Variants in CDH13 observed in about 807,000 individuals in gnomAD.
CDH13 encodes cadherin 13.
A neutral mutation model predicts 63.8 loss-of-function variants in CDH13; 24 were observed. The ratio of observed to expected loss-of-function variants is 0.38; its 90% CI spans 0.27 to 0.53. The LOEUF is 0.53. Among genes scored for constraint, CDH13 ranks in the 20% least tolerant of loss-of-function variants. The pLI, the probability that CDH13 is intolerant of heterozygous loss-of-function variation, is 0.85. For synonymous variants in CDH13, 503 were observed against 355.3 expected, an observed-to-expected ratio of 1.42 and a Z score of -4.67; for missense variants, 1,049 against 903.1, an observed-to-expected ratio of 1.16 and a Z score of -2.07.
chr16:83,367,988 C>G (rs1348333864), intron 6 of CDH13, among the ~76,000 whole-genome samples: 1 of 152,046 alleles, frequency 6.6e-6, no homozygotes, highest in African/African-American at 2.4e-5. Flanking sequence ...ATAGACAAGT[C>G]TTGCATTTAT....
intron 1 of CDH13, among the ~76,000 whole-genome samples, chr16:82,742,733 C>T (rs753191664): frequency 9.2e-5 from 14 of 152,110 alleles, no homozygotes; most frequent in South Asian, 2.1e-4. Flanking sequence ...CTCTGAAGAA[C>T]GCATGCTCCC....
At chr16:83,235,180 G>A (rs559932780) in intron 5 of CDH13, among the ~76,000 whole-genome samples, 2 of 152,248 alleles carry the variant, frequency 1.3e-5, no homozygotes, top group African/African-American at 4.8e-5. Flanking sequence ...ATTCCAGCCT[G>A]GGTAACAGAG....
rs769822340 is a variant in CDH13, at chr16:83,181,023, C to T, written c.484-36322C>T. The T allele has an allele frequency of 1.5e-4, 221 of 1,515,072 alleles. 1 individual carries two copies. Among genetic ancestry groups the T allele is most frequent in the Middle Eastern group, 1.7e-4 (1 of 5,786 alleles). 93.9% of individuals were successfully genotyped at this position (1,515,072 alleles called of 1,614,324 possible). On this transcript the variant is annotated intron_variant, in intron 4 of 13. Coordinates refer to ENST00000567109, the MANE Select transcript of CDH13 (RefSeq NM_001257.5). ...TAAATCACAAACATTTTACTTCCCA[C>T]TAGCACTCGGTATTTCAAATCCATT...
intron 2 of CDH13, among the ~76,000 whole-genome samples, chr16:82,927,020 T>TGG (rs77817207): frequency 0.37 from 55,540 of 151,762 alleles, 11,094 homozygotes; most frequent in Non-Finnish European, 0.45. Context: ...GCTTGAAGGC[T>TGG]GGGGTAACTC....
chr16:83,448,329 A>G (rs369193618), intron 6 of CDH13, among the ~76,000 whole-genome samples: 2 of 152,318 alleles, frequency 1.3e-5, no homozygotes, highest in South Asian at 2.1e-4. Context: ...AGCTAGACAT[A>G]TAAATGCAGA....
chr16:82,790,625 G>C (rs1379241078), intron 1 of CDH13, among the ~76,000 whole-genome samples: 1 of 152,162 alleles, frequency 6.6e-6, no homozygotes, highest in Admixed American at 6.5e-5. Context: ...AAATACCGGA[G>C]ACTAGGTAAT....
chr16:82,677,673 C>G (rs1339535048), intron 1 of CDH13, among the ~76,000 whole-genome samples: 1 of 152,104 alleles, frequency 6.6e-6, no homozygotes, highest in African/African-American at 2.4e-5. Context: ...ACTCACAAAA[C>G]ACAATACACT....
chr16:83,184,690 C>T (rs867569394), intron 4 of CDH13, among the ~76,000 whole-genome samples: 2 of 151,988 alleles, frequency 1.3e-5, no homozygotes, highest in Non-Finnish European at 2.9e-5. Context: ...AGGAGGCAGA[C>T]GTTGCAGTGA....
intron 10 of CDH13, among the ~76,000 whole-genome samples, chr16:83,733,626 C>T (rs1911255609): frequency 6.6e-6 from 1 of 152,304 alleles, no homozygotes. Context: ...AATATCCATG[C>T]TCAGCTTGGT....
intron 13 of CDH13, among the ~76,000 whole-genome samples, chr16:83,786,369 T>A (rs558693087): frequency 1.3e-5 from 2 of 152,280 alleles, no homozygotes; most frequent in East Asian, 3.9e-4. Flanking sequence ...GGAAACATTT[T>A]CAAACTACGA....
At chr16:82,932,667 C>T (rs1182603861) in intron 2 of CDH13, among the ~76,000 whole-genome samples, 1 of 152,094 alleles carries the variant, frequency 6.6e-6, no homozygotes, top group African/African-American at 2.4e-5. Flanking sequence ...GTATTTAATC[C>T]CTTAGCATAG....
At chr16:82,627,194 C>G in intron 1 of CDH13, 57 bp downstream of exon 1, 1 of 1,490,736 alleles carries the variant, frequency 6.7e-7, no homozygotes. Context: ...TTCGGATCGC[C>G]CGGCACGGGC....
At chr16:83,133,215 G>A (rs1034135606) in intron 4 of CDH13, among the ~76,000 whole-genome samples, 48 of 152,150 alleles carry the variant, frequency 3.2e-4, no homozygotes, top group Admixed American at 3.1e-3. Context: ...TCTATTTACA[G>A]ATAAAATATT....
chr16:83,171,438 G>T, intron 4 of CDH13: 5 of 1,183,290 alleles, frequency 4.2e-6, no homozygotes, highest in Non-Finnish European at 6.0e-6. Flanking sequence ...TGAGGACACA[G>T]ATCCAAACCA....
chr16:83,211,661 A>C (rs1437972760), intron 4 of CDH13, among the ~76,000 whole-genome samples: 1 of 152,074 alleles, frequency 6.6e-6, no homozygotes, highest in African/African-American at 2.4e-5. Context: ...ACACCCTTAA[A>C]ATCAAATCAA....
chr16:83,037,430 A>G (rs151065921), intron 3 of CDH13, among the ~76,000 whole-genome samples: 1 of 152,310 alleles, frequency 6.6e-6, no homozygotes, highest in African/African-American at 2.4e-5. Context: ...CCATGGGTCT[A>G]GGAGATGAGA....
At chr16:82,699,096 C>G in intron 1 of CDH13, among the ~76,000 whole-genome samples, 1 of 152,130 alleles carries the variant, frequency 6.6e-6, no homozygotes, top group East Asian at 1.9e-4. Flanking sequence ...ATTCTGTTGG[C>G]AAAAGACATT....
intron 3 of CDH13, among the ~76,000 whole-genome samples, chr16:83,124,812 C>G (rs2035739842): frequency 6.6e-6 from 1 of 152,056 alleles, no homozygotes; most frequent in South Asian, 2.1e-4. Context: ...TTTTTGCCGA[C>G]TTTCTTGAAG....
At chr16:82,903,599 C>T (rs1018944638) in intron 2 of CDH13, among the ~76,000 whole-genome samples, 1 of 152,142 alleles carries the variant, frequency 6.6e-6, no homozygotes. Context: ...GTGTTTTAGT[C>T]GTGAGCTAAC....
Sources: allele counts gnomAD v4.1 joint callset (sites outside exome capture counted in the v4.1 genomes callset), GRCh38; gene constraint gnomAD v4.1.1; transcripts MANE v1.5; gene names NCBI Gene and HGNC (gene_info 2026-07-23, HGNC 2026-07-21).